The following CD207 variants were observed in gnomAD, a reference collection of about 807,000 sequenced individuals.
CD207 encodes C-type lectin domain family 4 member K.
CD207 carries 28 observed loss-of-function variants against 31.6 expected under a neutral mutation model. The observed-to-expected ratio is 0.89, with a 90% CI of 0.66 to 1.21. The LOEUF is 1.21. Ranked by LOEUF, CD207 falls within the 50% of genes most tolerant of loss-of-function variation. The pLI, the probability that CD207 is intolerant of heterozygous loss-of-function variation, is 0.00. For missense variants in CD207, 388 were observed against 397.8 expected (o/e 0.98, Z 0.21); for synonymous variants, 168 against 153.9 (o/e 1.09, Z -0.68).
At chr2:70,826,522 C>T (rs1187981511), downstream of CD207, among the ~76,000 whole-genome samples, 3 of 152,074 alleles carry the variant, frequency 2.0e-5, no homozygotes, top group African/African-American at 2.4e-5. Context: ...ATTACAAGTC[C>T]GCACTACCAC....
chr2:70,828,572 C>T (rs779578209), downstream of CD207, among the ~76,000 whole-genome samples: 25 of 152,338 alleles, frequency 1.6e-4, no homozygotes, highest in South Asian at 8.3e-4. Flanking sequence ...GCCCTGGGAA[C>T]GGGAGCAGCC....
downstream of CD207, among the ~76,000 whole-genome samples, chr2:70,827,404 A>G (rs1677371033): frequency 6.6e-6 from 1 of 152,070 alleles, no homozygotes. Flanking sequence ...GGATGGGAAC[A>G]GAGAGGCAGA....
At chr2:70,828,239 G>C (rs570344650), downstream of CD207, among the ~76,000 whole-genome samples, 1 of 152,192 alleles carries the variant, frequency 6.6e-6, no homozygotes, top group Non-Finnish European at 1.5e-5. Context: ...TCCTGGGCGA[G>C]GCCACACTGC....
In CD207 at chr2:70,835,547, G is replaced by A; in HGVS notation, c.134C>T (p.Ala45Val). 1.2e-6 allele frequency: 2 copies of A among 1,614,020 alleles called. No individual in the cohort carries two copies. The highest frequency in any genetic ancestry group is 1.1e-5 in the South Asian group (1 of 91,078). The change falls in exon 2 of 6, where the codon GCA (alanine) becomes GTA (valine). Residue 45 changes from alanine (A) to valine (V), a missense_variant. Transcript: ENST00000410009. ...CAGGACCAGCGTCAGGCAGATTAAT[G>A]CAGCACGGACTGTGGGTGTTTTCCC... ...VPGKTPTVRA[A>V]LICLTLVLVA...
chr2:70,825,022 G>A, the CD207 span, among the ~76,000 whole-genome samples: 2 of 152,204 alleles, frequency 1.3e-5, no homozygotes, highest in Non-Finnish European at 2.9e-5. Flanking sequence ...CACTACCCCA[G>A]CCTGGAGATC....
At position 70,833,061 on chromosome 2, in the gene CD207, A is replaced by G. The variant is rs1041278596; in HGVS notation, c.566-10T>C. The stretch of plus-strand genomic sequence containing the variant: ...ACCTGTAGAATATCATCTAGAGAAC[A>G]AGAGGTAAAAGTGAACGCTGGTATT... On this transcript the variant is annotated splice_polypyrimidine_tract_variant and intron_variant, in intron 3 of 5. Coordinates refer to ENST00000410009, the MANE Select transcript of CD207 (RefSeq NM_015717.5). The G allele has an allele frequency of 1.2e-6, 2 of 1,613,672 alleles. No individual in the cohort carries two copies. Among genetic ancestry groups the G allele is most frequent in the Non-Finnish European group, 1.7e-6 (2 of 1,179,724 alleles).
chr2:70,824,621 C>CAAAAAAAAAAAAAAAA, the CD207 span, among the ~76,000 whole-genome samples: 32 of 38,258 alleles, frequency 8.4e-4, 5 homozygotes, highest in East Asian at 4.4e-3. Context: ...TGCTTAGTTA[C>CAAAAAAAAAAAAAAAA]CAAAAAAAAA....
rs200972797 is a variant in CD207, at chr2:70,833,845, C to G, written c.366G>C (p.Gln122His). The part of the protein sequence containing the change: ...VNESLGYVRS[Q>H]FLKLKTSVEK... Reference sequence around the variant, plus strand: ...CCACACTGGTTTTTAACTTCAGGAACTGAGAACGCACATAACCCAGGCTCT... The same window carrying G: ...CCACACTGGTTTTTAACTTCAGGAAGTGAGAACGCACATAACCCAGGCTCT... Residue 122 changes from glutamine (Q) to histidine (H), a missense_variant, in exon 3 of 6, where the codon CAG (glutamine) becomes CAC (histidine). Gln to His is a conservative substitution (Grantham distance 24). Coordinates refer to ENST00000410009, the MANE Select transcript of CD207 (RefSeq NM_015717.5). 311 of 1,613,872 alleles carry G rather than the reference C, an allele frequency of 1.9e-4. No individual in the cohort carries two copies. The highest frequency in any genetic ancestry group is 2.4e-4 in the Non-Finnish European group (283 of 1,179,880).
At chr2:70,826,567 C>T (rs912674574), downstream of CD207, among the ~76,000 whole-genome samples, 2 of 152,092 alleles carry the variant, frequency 1.3e-5, no homozygotes, top group East Asian at 1.9e-4. Flanking sequence ...TTTGTGGAGA[C>T]GGGGTCCCAC....
intron 4 of CD207, among the ~76,000 whole-genome samples, chr2:70,832,683 A>G (rs1677503940): frequency 6.6e-6 from 1 of 152,236 alleles, no homozygotes; most frequent in African/African-American, 2.4e-5. Context: ...TTGTGGAGAC[A>G]TATTAAGATG....
rs368427120 is a variant in CD207 at position 70,831,091 on chromosome 2, G to C, written c.946C>G (p.Leu316Val). 6 of 1,613,788 alleles carry C rather than the reference G, an allele frequency of 3.7e-6. No homozygotes were observed. The highest frequency in any genetic ancestry group is 5.1e-6 in the Non-Finnish European group (6 of 1,179,738). Reference sequence around the variant, plus strand: ...ACATAGGGTCGCTTACAAATGAAAAGAAACGTTTTGTCACATGGGGCATCA... The same window carrying C: ...ACATAGGGTCGCTTACAAATGAAAACAAACGTTTTGTCACATGGGGCATCA... ...WNDAPCDKTF[L>V]FICKRPYVPS... The change falls in exon 6 of 6, where the codon CTT (leucine) becomes GTT (valine). Residue 316 changes from leucine to valine, a missense_variant. Leu to Val is a conservative substitution (Grantham distance 32, BLOSUM62 1). Transcript: ENST00000410009.
the CD207 span, among the ~76,000 whole-genome samples, chr2:70,824,639 A>AAAAAAAAAC: frequency 6.7e-6 from 1 of 149,428 alleles, no homozygotes; most frequent in African/African-American, 2.5e-5. Flanking sequence ...AAAAAAAAAA[A>AAAAAAAAAC]AAAAAAACTG....
rs1218222195 is a variant in CD207, at chr2:70,831,014, T to C, written c.*36A>G. The C allele has an allele frequency of 5.1e-6, 8 of 1,583,410 alleles. No individual in the cohort carries two copies. The African/African-American group carries it at 6.8e-5, about 13-fold the overall frequency. ...GGCATTTCCTCATGTTTAACAAGCG[T>C]TGGAGCTCAAAGAGTGAGCTTGGGA... On this transcript the variant is annotated 3_prime_UTR_variant, in exon 6 of 6. Coordinates refer to ENST00000410009, the MANE Select transcript of CD207 (RefSeq NM_015717.5).
In CD207 at chr2:70,835,027, G is replaced by T. The variant is rs533536427; in HGVS notation, c.190+464C>A. On this transcript the variant is annotated intron_variant, in intron 2 of 5. Coordinates refer to ENST00000410009, the MANE Select transcript of CD207 (RefSeq NM_015717.5). ...TGGGGAGAGGGGACTGAGTCATGGA[G>T]ATCTGTTGGCTCGTTGGCCAGGCTC... Among the ~76,000 whole-genome samples the T allele has an allele frequency of 2.0e-5, 3 of 152,366 alleles. No homozygotes were observed. In the South Asian group the frequency reaches 6.2e-4, roughly 32 times the overall value.
At chr2:70,832,607 G>A (rs1677502359) in intron 4 of CD207, among the ~76,000 whole-genome samples, 1 of 152,184 alleles carries the variant, frequency 6.6e-6, no homozygotes, top group Non-Finnish European at 1.5e-5. Flanking sequence ...AAGCAAAAAT[G>A]AGGTATGTTA....
At chr2:70,825,717 T>C (rs544516646), downstream of CD207, among the ~76,000 whole-genome samples, 7 of 152,232 alleles carry the variant, frequency 4.6e-5, no homozygotes, top group Admixed American at 2.6e-4. Context: ...TTTTGTATTT[T>C]TTTTTTAGAG....
At chr2:70,832,869 C>T (rs781942625) in intron 4 of CD207, 31 bp downstream of exon 4, 1 of 1,592,270 alleles carries the variant, frequency 6.3e-7, no homozygotes, top group African/African-American at 1.3e-5. Context: ...TCATACGCCC[C>T]CTTCACAGAG....
chr2:70,831,924 T>C, intron 4 of CD207, 105 bp from the exon 5 acceptor site: 1 of 749,156 alleles, frequency 1.3e-6, no homozygotes, highest in Admixed American at 2.0e-5. Flanking sequence ...GACCCACAGA[T>C]GCGCTGCACA....
intron 2 of CD207, among the ~76,000 whole-genome samples, chr2:70,834,560 A>G (rs761700939): frequency 4.6e-5 from 7 of 152,300 alleles, no homozygotes; most frequent in Non-Finnish European, 8.8e-5. Context: ...AGAACATGGA[A>G]GAGGAGATTA....
Sources: gnomAD v4.1 joint callset for allele counts (sites outside exome capture counted in the v4.1 genomes callset) on GRCh38, gnomAD v4.1.1 for gene constraint, MANE v1.5 for transcripts, NCBI Gene and HGNC (gene_info 2026-07-23, HGNC 2026-07-21) for gene names.